LRRTM4: variants seen among roughly 807,000 people sequenced by gnomAD.
LRRTM4 encodes the protein leucine-rich repeat transmembrane neuronal protein 4.
Under a neutral mutation model 47.6 loss-of-function variants are expected in LRRTM4, and 25 were observed. That is an observed-to-expected ratio of 0.53 (90% CI 0.38 to 0.73). The LOEUF is 0.73. Ranked by LOEUF, LRRTM4 falls within the 30% of genes least tolerant of loss-of-function variation. The pLI is 0.00. For missense variants in LRRTM4, 638 were observed against 713.4 expected, an observed-to-expected ratio of 0.89 and a Z score of 1.20; for synonymous variants, 311 against 269.5, an observed-to-expected ratio of 1.15 and a Z score of -1.51.
intron 3 of LRRTM4, among the ~76,000 whole-genome samples, chr2:77,492,295 C>T (rs376696962): frequency 1.6e-4 from 24 of 152,036 alleles, no homozygotes; most frequent in East Asian, 1.5e-3. Context: ...GGGTCTTGCT[C>T]GTCACTCGGG....
chr2:77,176,879 C>A (rs544902364), intron 3 of LRRTM4, among the ~76,000 whole-genome samples: 10 of 152,170 alleles, frequency 6.6e-5, no homozygotes, highest in African/African-American at 2.4e-4. Flanking sequence ...AAGATGGCCA[C>A]AAAAGTGACA....
intron 3 of LRRTM4, among the ~76,000 whole-genome samples, chr2:77,241,743 T>A (rs1270526808): frequency 1.3e-5 from 2 of 152,148 alleles, no homozygotes; most frequent in Non-Finnish European, 2.9e-5. Context: ...ACATCTCCAA[T>A]CCAATGTCAT....
At chr2:77,304,086 G>C (rs190926642) in intron 3 of LRRTM4, among the ~76,000 whole-genome samples, 2 of 151,978 alleles carry the variant, frequency 1.3e-5, no homozygotes, top group Admixed American at 1.3e-4. Context: ...AGTGTGCAAG[G>C]GTTCCTTTTT....
chr2:77,059,962 G>T (rs1329670462), intron 3 of LRRTM4, among the ~76,000 whole-genome samples: 3 of 152,094 alleles, frequency 2.0e-5, no homozygotes, highest in East Asian at 3.9e-4. Context: ...TTTGTTTTTT[G>T]TATCTGCTTT....
chr2:76,800,768 AC>A (rs1675624595), intron 3 of LRRTM4, among the ~76,000 whole-genome samples: 1 of 132,656 alleles, frequency 7.5e-6, no homozygotes, highest in Non-Finnish European at 1.6e-5. Context: ...AAAAAAACAA[AC>A]AACCCCATCA....
chr2:77,174,813 C>G (rs528535224), intron 3 of LRRTM4, among the ~76,000 whole-genome samples: 1 of 151,982 alleles, frequency 6.6e-6, no homozygotes, highest in African/African-American at 2.4e-5. Flanking sequence ...CACCCCACAA[C>G]AGGCCCTGGT....
At chr2:77,235,461 G>A (rs902678997) in intron 3 of LRRTM4, among the ~76,000 whole-genome samples, 5 of 151,754 alleles carry the variant, frequency 3.3e-5, no homozygotes, top group African/African-American at 9.7e-5. Flanking sequence ...TTGTGAATCT[G>A]TTCTGGTGGG....
At chr2:77,054,115 G>C (rs150109909) in intron 3 of LRRTM4, among the ~76,000 whole-genome samples, 2 of 151,286 alleles carry the variant, frequency 1.3e-5, no homozygotes, top group Non-Finnish European at 2.9e-5. Flanking sequence ...CAAAACATGG[G>C]GAAACCACAG....
chr2:76,749,073 A>G (rs531708923), intron 3 of LRRTM4, among the ~76,000 whole-genome samples, 157 bp from the exon 4 acceptor site: 1 of 152,336 alleles, frequency 6.6e-6, no homozygotes, highest in East Asian at 1.9e-4. Flanking sequence ...GATGATTACT[A>G]TTTAACTCAA....
chr2:77,505,224 A>T (rs575626173), intron 3 of LRRTM4, among the ~76,000 whole-genome samples: 277 of 151,340 alleles, frequency 1.8e-3, no homozygotes, highest in Non-Finnish European at 3.3e-3. Flanking sequence ...AATATATATA[A>T]AATTCATAAA....
chr2:76,932,701 TATGA>T (rs1454900909), intron 3 of LRRTM4, among the ~76,000 whole-genome samples: 2 of 152,114 alleles, frequency 1.3e-5, no homozygotes, highest in Admixed American at 6.6e-5. Flanking sequence ...ATGTTATATA[TATGA>T]ATGTGTTCAT....
intron 3 of LRRTM4, among the ~76,000 whole-genome samples, chr2:77,051,179 C>T (rs1679420303): frequency 6.6e-6 from 1 of 151,764 alleles, no homozygotes; most frequent in Non-Finnish European, 1.5e-5. Flanking sequence ...ATCAGGGGTG[C>T]TGCTGAACAT....
intron 3 of LRRTM4, among the ~76,000 whole-genome samples, chr2:77,293,792 T>A (rs942340311): frequency 3.3e-5 from 5 of 152,132 alleles, no homozygotes; most frequent in African/African-American, 1.2e-4. Flanking sequence ...TGTGGGACAC[T>A]AATCCTCCCT....
At chr2:76,981,349 G>A (rs1170335675) in intron 3 of LRRTM4, among the ~76,000 whole-genome samples, 2 of 152,044 alleles carry the variant, frequency 1.3e-5, no homozygotes, top group Non-Finnish European at 2.9e-5. Flanking sequence ...GAGCAACTAG[G>A]TACATCAGAC....
chr2:77,220,712 A>G (rs139703564), intron 3 of LRRTM4, among the ~76,000 whole-genome samples: 3,058 of 152,316 alleles, frequency 0.02, 58 homozygotes, highest in Non-Finnish European at 0.023. Context: ...ATGTGAAAAG[A>G]CCAAAACTAC....
chr2:76,843,907 T>C (rs1671761181), intron 3 of LRRTM4, among the ~76,000 whole-genome samples: 1 of 144,184 alleles, frequency 6.9e-6, no homozygotes, highest in South Asian at 2.4e-4. Context: ...CTTTCTTTTT[T>C]CATTTTTTTT....
intron 3 of LRRTM4, among the ~76,000 whole-genome samples, chr2:76,777,040 C>G (rs1163870029): frequency 2.0e-4 from 25 of 125,700 alleles, no homozygotes; most frequent in South Asian, 3.0e-4. Flanking sequence ...GCTTGTTTTT[C>G]TCAGGTTTGT....
intron 3 of LRRTM4, among the ~76,000 whole-genome samples, chr2:77,448,068 T>C (rs1202640524): frequency 2.0e-5 from 3 of 152,186 alleles, no homozygotes; most frequent in Non-Finnish European, 4.4e-5. Flanking sequence ...GAAAATAAAT[T>C]ATGAAAATGT....
intron 3 of LRRTM4, among the ~76,000 whole-genome samples, chr2:77,081,287 C>T (rs1054494317): frequency 7.9e-6 from 1 of 127,294 alleles, no homozygotes; most frequent in African/African-American, 3.8e-5. Flanking sequence ...CACACACACA[C>T]ACACATAAAT....
Sources: gnomAD v4.1 joint callset for allele counts (sites outside exome capture counted in the v4.1 genomes callset) on GRCh38, gnomAD v4.1.1 for gene constraint, MANE v1.5 for transcripts, NCBI Gene and HGNC (gene_info 2026-07-23, HGNC 2026-07-21) for gene names.